GJA3: variants seen among roughly 807,000 people sequenced by gnomAD.
GJA3 encodes the protein gap junction alpha-3 protein.
For synonymous variants in GJA3, 297 were observed against 292.6 expected (o/e 1.02, Z -0.15); for missense variants, 571 against 620.3 (o/e 0.92, Z 0.84).
chr13:20,140,838 TA>T lies in GJA3; in HGVS notation c.*1142del, dbSNP rs1287179271. ...TTGAAGTGTTTTATTCTGTACTTTT[TA>T]AAAGTGTAGATTGTCATAGATTCAT... On this transcript the variant is annotated 3_prime_UTR_variant, in exon 2 of 2. Coordinates refer to ENST00000241125, the MANE Select transcript of GJA3 (RefSeq NM_021954.4). The T allele has an allele frequency of 6.6e-6, 1 of 152,258 alleles. No homozygotes were observed. Among genetic ancestry groups the T allele is most frequent in the Non-Finnish European group, 1.5e-5 (1 of 68,044 alleles). The allele number at this position is 152,258 out of a possible 1,614,324, so 9.4% of individuals were successfully genotyped here.
intron 1 of GJA3, 71 bp from the exon 2 acceptor site, chr13:20,143,376 G>GGCA: frequency 6.3e-6 from 7 of 1,103,826 alleles, no homozygotes; most frequent in Non-Finnish European, 8.8e-6. Context: ...CATGGGCGGC[G>GGCA]GCAGCGGCCT....
chr13:20,143,044 A>T lies in GJA3; in HGVS notation c.245T>A (p.Ile82Asn), dbSNP rs931390998. The change falls in exon 2 of 2, where the codon ATC (isoleucine) becomes AAC (asparagine). Residue 82 changes from isoleucine to asparagine, a missense_variant. Ile to Asn is a moderately radical substitution (Grantham distance 149, BLOSUM62 -3). Coordinates refer to ENST00000241125, the MANE Select transcript of GJA3 (RefSeq NM_021954.4). Reference protein sequence around the residue: ...ISHIRFWALQIIFVSTPTLIY... With the variant: ...ISHIRFWALQNIFVSTPTLIY... ...GAGGGTGGGCGTGGACACGAAGATG[A>T]TCTGCAGCGCCCAGAAGCGGATGTG... 2 of 1,613,432 alleles carry T rather than the reference A, an allele frequency of 1.2e-6. No individual in the cohort carries two copies. The highest frequency in any genetic ancestry group is 2.7e-5 in the African/African-American group (2 of 74,894).
chr13:20,139,316 A>G lies in GJA3; in HGVS notation c.*2665T>C, dbSNP rs889089579. 6.6e-5 allele frequency: 10 copies of G among 152,128 alleles called. No homozygotes were observed. The highest frequency in any genetic ancestry group is 2.2e-4 in the African/African-American group (9 of 41,432). The allele number at this position is 152,128 out of a possible 1,614,324, so 9.4% of individuals were successfully genotyped here. On this transcript the variant is annotated 3_prime_UTR_variant, in exon 2 of 2. Coordinates refer to ENST00000241125, the MANE Select transcript of GJA3 (RefSeq NM_021954.4). Reference sequence around the variant, plus strand: ...AGCATTTGAGTTTTAAAATAGGCTTAGAGATTTTTTAAAACTTTCTAATGA... The same window carrying G: ...AGCATTTGAGTTTTAAAATAGGCTTGGAGATTTTTTAAAACTTTCTAATGA...
At chr13:20,144,360 G>A (rs1255451095) in intron 1 of GJA3, among the ~76,000 whole-genome samples, 1 of 152,174 alleles carries the variant, frequency 6.6e-6, no homozygotes, top group Non-Finnish European at 1.5e-5. Context: ...CAGCACTCGT[G>A]GGTACCCAGA....
chr13:20,158,931 A>AAAAAAAAAAG (rs1555340275), intron 1 of GJA3, among the ~76,000 whole-genome samples: 2 of 148,930 alleles, frequency 1.3e-5, no homozygotes, highest in African/African-American at 5.0e-5. Context: ...AAAAAAAAAA[A>AAAAAAAAAAG]AAAAAGAAAA....
intron 1 of GJA3, among the ~76,000 whole-genome samples, chr13:20,155,210 T>G (rs1958900822): frequency 6.6e-6 from 1 of 152,208 alleles, no homozygotes; most frequent in Admixed American, 6.5e-5. Flanking sequence ...TACTTTATTT[T>G]CGATTCTTAT....
intron 1 of GJA3, among the ~76,000 whole-genome samples, chr13:20,155,196 C>T (rs1958900737): frequency 6.6e-6 from 1 of 152,144 alleles, no homozygotes. Flanking sequence ...ATTCAATTTG[C>T]TACTACTTTA....
chr13:20,141,347 G>C lies in GJA3; in HGVS notation c.*634C>G, dbSNP rs1260747777. On this transcript the variant is annotated 3_prime_UTR_variant, in exon 2 of 2. Transcript: ENST00000241125. ...AACCTCTGGGGCCCTTGCCCACTGA[G>C]CCTGCCTCTGGAGGGCAACTGCTCT... is the stretch of plus-strand genomic sequence containing the variant. 1 of 152,438 alleles carries C rather than the reference G, an allele frequency of 6.6e-6. No homozygotes were observed. Among genetic ancestry groups the C allele is most frequent in the Non-Finnish European group, 1.5e-5 (1 of 68,032 alleles). 9.4% of individuals were successfully genotyped at this position (152,438 alleles called of 1,614,324 possible).
chr13:20,143,321 G>T lies in GJA3; in HGVS notation c.-17-16C>A, dbSNP rs750924590. 3.4e-6 allele frequency: 5 copies of T among 1,491,798 alleles called. No homozygotes were observed. The South Asian group carries it at 4.1e-5, about 12-fold the overall frequency. The allele number at this position is 1,491,798 out of a possible 1,614,324, so 92.4% of individuals were successfully genotyped here. ...GATTCCTAACCTGTAAGAGGAAAAT[G>T]CTCATGAACACCGGGCTGCAACGGC... On this transcript the variant is annotated splice_polypyrimidine_tract_variant and intron_variant, in intron 1 of 1. Transcript: ENST00000241125.
At chr13:20,159,456 CAAAAAAAAAAAAA>C (rs57613247) in intron 1 of GJA3, among the ~76,000 whole-genome samples, 9 of 51,748 alleles carry the variant, frequency 1.7e-4, no homozygotes, top group Non-Finnish European at 5.9e-5. Flanking sequence ...GACTCCATCT[CAAAAAAAAAAAAA>C]AAAAAAAAAA....
intron 1 of GJA3, among the ~76,000 whole-genome samples, chr13:20,152,916 T>C (rs1306447583): frequency 6.6e-6 from 1 of 152,192 alleles, no homozygotes; most frequent in Non-Finnish European, 1.5e-5. Flanking sequence ...TTTGCATTCC[T>C]GGTTTAAGCA....
Position 20,142,795 on chromosome 13 carries a change from G to A in GJA3, c.494C>T (p.Ala165Val), listed in dbSNP as rs201065121. The A allele has an allele frequency of 6.2e-7, 1 of 1,613,684 alleles. No homozygotes were observed. Among genetic ancestry groups the A allele is most frequent in the South Asian group, 1.1e-5 (1 of 91,090 alleles). Residue 165 changes from alanine (A) to valine (V), a missense_variant, in exon 2 of 2, where the codon GCC becomes GTC. Transcript: ENST00000241125. ...FKTLFEVGFI[A>V]GQYFLYGFEL... Reference sequence around the variant, plus strand: ...GAAGCCGTACAGAAAGTACTGGCCGGCGATGAAGCCCACCTCGAACAGCGT... The same window carrying A: ...GAAGCCGTACAGAAAGTACTGGCCGACGATGAAGCCCACCTCGAACAGCGT...
Position 20,138,414 on chromosome 13 carries a change from T to C in GJA3, c.*3567A>G, listed in dbSNP as rs1444174457. The stretch of plus-strand genomic sequence containing the variant: ...TTTACACACCAAACAGCTTCAAATA[T>C]GGTACTTTCTGGAAACAGTTTGTTG... On this transcript the variant is annotated 3_prime_UTR_variant, in exon 2 of 2. Coordinates refer to ENST00000241125, the MANE Select transcript of GJA3 (RefSeq NM_021954.4). 1 of 152,310 alleles carries C rather than the reference T, an allele frequency of 6.6e-6. No homozygotes were observed. The highest frequency in any genetic ancestry group is 2.1e-4 in the South Asian group (1 of 4,824). The allele number at this position is 152,310 out of a possible 1,614,324, so 9.4% of individuals were successfully genotyped here.
In GJA3 at chr13:20,158,561, A is replaced by T. The variant is rs568017334; in HGVS notation, c.-18+2329T>A. Among the ~76,000 whole-genome samples, 25 of 152,114 alleles carry T rather than the reference A, an allele frequency of 1.6e-4. No individual in the cohort carries two copies. The East Asian group carries it at 4.6e-3, about 28-fold the overall frequency. On this transcript the variant is annotated intron_variant, in intron 1 of 1. Transcript: ENST00000241125. ...CTTCAAATTAAATAAGACACATAAG[A>T]GTGTGGAAACTATTCACATCAACCA...
intron 1 of GJA3, among the ~76,000 whole-genome samples, chr13:20,150,372 GGT>G (rs71816956): frequency 0.52 from 76,727 of 147,764 alleles, 20,287 homozygotes; most frequent in East Asian, 0.91. Context: ...CACTGCTCCT[GGT>G]GTGTGTGTGT....
intron 1 of GJA3, among the ~76,000 whole-genome samples, chr13:20,152,966 G>C (rs943598239): frequency 7.2e-5 from 11 of 152,272 alleles, no homozygotes; most frequent in African/African-American, 2.6e-4. Flanking sequence ...CAAATATTAA[G>C]TCACAAATAT....
At chr13:20,145,438 A>C (rs1958836172) in intron 1 of GJA3, among the ~76,000 whole-genome samples, 2 of 152,272 alleles carry the variant, frequency 1.3e-5, no homozygotes, top group African/African-American at 4.8e-5. Context: ...TTACTTTAGA[A>C]ACTTAATTAC....
chr13:20,159,637 G>A (rs1413482627), intron 1 of GJA3, among the ~76,000 whole-genome samples: 2 of 152,050 alleles, frequency 1.3e-5, no homozygotes, highest in Non-Finnish European at 2.9e-5. Context: ...TTTGTTACCC[G>A]CCATTCTTTT....
Position 20,142,383 on chromosome 13 carries a change from C to G in GJA3, c.906G>C (p.Leu302=), listed in dbSNP as rs1318032701. 3 of 1,520,872 alleles carry G rather than the reference C, an allele frequency of 2.0e-6. No homozygotes were observed. Among genetic ancestry groups the G allele is most frequent in the Non-Finnish European group, 2.6e-6 (3 of 1,134,812 alleles). 94.2% of individuals were successfully genotyped at this position (1,520,872 alleles called of 1,614,324 possible). A position where few individuals can be genotyped will look rare whatever the true frequency, so the allele number is the denominator to read the frequency against. ...PPAADFKLLA[L]TEARGKGQSA... is the part of the protein sequence containing the mutation. ...ACTGGCCCTTTCCGCGCGCCTCGGT[C>G]AGGGCTAGCAGTTTGAAGTCCGCGG... is the stretch of plus-strand genomic sequence containing the variant. The change falls in exon 2 of 2, where the codon CTG becomes CTC. Residue 302 remains leucine (L), a synonymous_variant. Coordinates refer to ENST00000241125, the MANE Select transcript of GJA3 (RefSeq NM_021954.4).
Sources: gnomAD v4.1 joint callset for allele counts (sites outside exome capture counted in the v4.1 genomes callset) on GRCh38, gnomAD v4.1.1 for gene constraint, MANE v1.5 for transcripts, NCBI Gene and HGNC (gene_info 2026-07-23, HGNC 2026-07-21) for gene names.